The following DLG2 variants were observed in gnomAD, a reference collection of about 807,000 sequenced individuals.
The protein encoded by DLG2 is discs large MAGUK scaffold protein 2.
A neutral mutation model predicts 132.5 loss-of-function variants in DLG2; 45 were observed. That is an observed-to-expected ratio of 0.34 (90% confidence interval 0.27 to 0.44). DLG2 has a LOEUF of 0.44. Among genes scored for constraint, DLG2 ranks in the 20% least tolerant of loss-of-function variants. The pLI, the probability that DLG2 is intolerant of heterozygous loss-of-function variation, is 1.00. For missense variants in DLG2, 1,045 were observed against 1,196.9 expected, an observed-to-expected ratio of 0.87 and a Z score of 1.87; for synonymous variants, 424 against 419.6, an observed-to-expected ratio of 1.01 and a Z score of -0.13.
intron 6 of DLG2, among the ~76,000 whole-genome samples, chr11:85,057,945 TTAAAC>T (rs1566753728): frequency 6.6e-6 from 1 of 151,530 alleles, no homozygotes; most frequent in African/African-American, 2.4e-5. Context: ...GGGAATGACT[TTAAAC>T]TGAAAAACAC....
chr11:83,928,815 C>T (rs1467093816), intron 15 of DLG2, among the ~76,000 whole-genome samples: 1 of 152,090 alleles, frequency 6.6e-6, no homozygotes, highest in Non-Finnish European at 1.5e-5. Flanking sequence ...AAGTATTTAA[C>T]AAAATGCCTG....
chr11:84,403,697 C>T (rs140052319), intron 7 of DLG2, among the ~76,000 whole-genome samples: 1 of 152,190 alleles, frequency 6.6e-6, no homozygotes, highest in Non-Finnish European at 1.5e-5. Context: ...TCAACTCTAA[C>T]TTCTACTCTT....
chr11:84,992,109 T>A (rs1392444688), intron 6 of DLG2, among the ~76,000 whole-genome samples: 4 of 152,178 alleles, frequency 2.6e-5, no homozygotes, highest in Non-Finnish European at 4.4e-5. Context: ...TCATCCCTCC[T>A]AACCATCACT....
chr11:84,066,230 G>T (rs1262889724), intron 10 of DLG2, among the ~76,000 whole-genome samples: 1 of 151,854 alleles, frequency 6.6e-6, no homozygotes, highest in Non-Finnish European at 1.5e-5. Context: ...TTTAAAAAAA[G>T]AAAAAAATAA....
chr11:84,871,436 A>G (rs1410024484), intron 6 of DLG2, among the ~76,000 whole-genome samples: 2 of 152,160 alleles, frequency 1.3e-5, no homozygotes, highest in Non-Finnish European at 2.9e-5. Context: ...AGATTCTGGA[A>G]GTTTGGGGAC....
chr11:84,896,327 A>G (rs1037745127), intron 6 of DLG2, among the ~76,000 whole-genome samples: 1 of 152,168 alleles, frequency 6.6e-6, no homozygotes, highest in African/African-American at 2.4e-5. Flanking sequence ...AACCACCTAC[A>G]TGTTCTCAAA....
intron 8 of DLG2, among the ~76,000 whole-genome samples, chr11:84,183,590 T>C (rs2096200223): frequency 1.3e-5 from 2 of 152,180 alleles, no homozygotes; most frequent in African/African-American, 2.4e-5. Context: ...TTTTTTTAAA[T>C]TATACTTTAA....
chr11:84,540,938 A>T (rs916505415), intron 6 of DLG2, among the ~76,000 whole-genome samples: 4 of 152,126 alleles, frequency 2.6e-5, no homozygotes, highest in African/African-American at 9.7e-5. Flanking sequence ...AACTATCACA[A>T]GGACAGAAAA....
rs192567940 is a variant in DLG2 at position 83,819,773 on chromosome 11, C to G, written c.1722+13841G>C. 5.6e-4 allele frequency among the ~76,000 whole-genome samples: 85 copies of G among 152,094 alleles called. 1 individual carries two copies. Among genetic ancestry groups the G allele is most frequent in the African/African-American group, 1.8e-3 (76 of 41,506 alleles). ...ATTATAAGGAAGATTAACTATTGAC[C>G]TTTTCCTGACCCCTCTATTTCTCCC... is the stretch of plus-strand genomic sequence containing the variant. On this transcript the variant is annotated intron_variant, in intron 17 of 27. Transcript: ENST00000376104.
At chr11:84,503,657 G>A (rs2099229159) in intron 7 of DLG2, among the ~76,000 whole-genome samples, 1 of 152,128 alleles carries the variant, frequency 6.6e-6, no homozygotes, top group East Asian at 1.9e-4. Flanking sequence ...CAGCTCCAGG[G>A]CTAGATTGCC....
intron 11 of DLG2, among the ~76,000 whole-genome samples, chr11:84,048,523 C>T (rs953813797): frequency 2.6e-4 from 39 of 151,688 alleles, no homozygotes; most frequent in African/African-American, 8.9e-4. Flanking sequence ...GAACTTGATC[C>T]CAGGACATGA....
At chr11:84,778,126 T>C (rs888779278) in intron 6 of DLG2, among the ~76,000 whole-genome samples, 1 of 152,194 alleles carries the variant, frequency 6.6e-6, no homozygotes, top group South Asian at 2.1e-4. Context: ...GAGTTGATTT[T>C]GGTATACGGC....
At chr11:84,385,826 C>A (rs950287308) in intron 7 of DLG2, among the ~76,000 whole-genome samples, 1 of 151,976 alleles carries the variant, frequency 6.6e-6, no homozygotes, top group Admixed American at 6.6e-5. Flanking sequence ...AATAAAGAGA[C>A]CTGTATGCAC....
At chr11:84,546,923 C>G in intron 6 of DLG2, 1 of 162,966 alleles carries the variant, frequency 6.1e-6, no homozygotes, top group Non-Finnish European at 1.3e-5. Flanking sequence ...ACAAATGTAT[C>G]TCAGTAGAAT....
intron 6 of DLG2, among the ~76,000 whole-genome samples, chr11:84,754,539 G>C (rs1231546124): frequency 6.6e-6 from 1 of 152,002 alleles, no homozygotes; most frequent in African/African-American, 2.4e-5. Context: ...TATTTTATAG[G>C]GAAGTTAAGT....
intron 6 of DLG2, 99 bp from the exon 7 acceptor site, chr11:84,534,830 G>A (rs2099351491): frequency 7.3e-7 from 1 of 1,366,124 alleles, no homozygotes; most frequent in Non-Finnish European, 1.0e-6. Flanking sequence ...AGGACACAGT[G>A]TGCACCTACT....
intron 3 of DLG2, among the ~76,000 whole-genome samples, chr11:85,385,997 T>A (rs1435330731): frequency 1.3e-5 from 2 of 152,238 alleles, no homozygotes; most frequent in Non-Finnish European, 2.9e-5. Context: ...TCGAGGAGAA[T>A]TAGTCTTTTA....
At chr11:84,849,488 T>C (rs2081924319) in intron 6 of DLG2, among the ~76,000 whole-genome samples, 1 of 152,142 alleles carries the variant, frequency 6.6e-6, no homozygotes, top group South Asian at 2.1e-4. Context: ...TGCTATAATC[T>C]AGCCATATTA....
intron 6 of DLG2, among the ~76,000 whole-genome samples, chr11:84,962,348 G>A (rs2052698703): frequency 6.6e-6 from 1 of 152,196 alleles, no homozygotes; most frequent in Admixed American, 6.5e-5. Context: ...GTGATATAGT[G>A]AAACACTATC....
Sources: allele counts gnomAD v4.1 joint callset (sites outside exome capture counted in the v4.1 genomes callset), GRCh38; gene constraint gnomAD v4.1.1; transcripts MANE v1.5; gene names NCBI Gene and HGNC (gene_info 2026-07-23, HGNC 2026-07-21).